Variants in LARGE1 observed in about 807,000 individuals in gnomAD.
LARGE1 encodes the protein xylosyl- and glucuronyltransferase LARGE1.
Under a neutral mutation model 87.6 loss-of-function variants are expected in LARGE1, and 43 were observed. The ratio of observed to expected loss-of-function variants is 0.49; its 90% confidence interval spans 0.38 to 0.63. The LOEUF (loss-of-function observed/expected upper bound fraction) is 0.63. LARGE1 is among the 30% of genes least tolerant of loss of function. LARGE1 has a pLI of 0.00. For missense variants in LARGE1, 802 were observed against 1,000.2 expected (o/e 0.80, Z 2.67); for synonymous variants, 434 against 394.6 (o/e 1.10, Z -1.18).
rs551075030 is a variant in LARGE1, at chr22:33,673,031, T to G, written c.107-22363A>C. 2.4e-4 allele frequency among the ~76,000 whole-genome samples: 37 copies of G among 152,186 alleles called. No homozygotes were observed. The East Asian group carries it at 6.4e-3, about 26-fold the overall frequency. ...GGCTCACACTTGTAATCCCAGCACT[T>G]TGGGAGGCTGAGGCAGGCAGATCAC... On this transcript the variant is annotated intron_variant, in intron 2 of 14. Coordinates refer to ENST00000397394, the MANE Select transcript of LARGE1 (RefSeq NM_133642.5).
At chr22:33,255,030 C>T (rs1262946494) in intron 11 of LARGE1, among the ~76,000 whole-genome samples, 1 of 151,760 alleles carries the variant, frequency 6.6e-6, no homozygotes, top group Admixed American at 6.6e-5. Context: ...CTCCGCCCCC[C>T]AGGTTCAAGC....
chr22:33,244,745 A>T (rs1314349180), intron 11 of LARGE1, among the ~76,000 whole-genome samples: 1 of 152,190 alleles, frequency 6.6e-6, no homozygotes, highest in African/African-American at 2.4e-5. Context: ...AATCTGATCC[A>T]TTCATGAAAT....
At chr22:33,659,601 G>A (rs866689931) in intron 2 of LARGE1, among the ~76,000 whole-genome samples, 2 of 152,044 alleles carry the variant, frequency 1.3e-5, no homozygotes, top group Non-Finnish European at 2.9e-5. Flanking sequence ...AAGGCTGCTC[G>A]CTTTTTATGA....
chr22:33,312,837 C>G (rs1017284397), intron 11 of LARGE1, among the ~76,000 whole-genome samples: 1 of 152,124 alleles, frequency 6.6e-6, no homozygotes, highest in South Asian at 2.1e-4. Context: ...ATTCCATTTT[C>G]TTTTTACTAT....
At chr22:33,145,603 G>A in the LARGE1 span, among the ~76,000 whole-genome samples, 19 of 152,072 alleles carry the variant, frequency 1.2e-4, no homozygotes, top group South Asian at 2.1e-4. Context: ...TGGACAAAGC[G>A]GAGTCTGAAA....
downstream of LARGE1, among the ~76,000 whole-genome samples, chr22:33,159,580 T>TA (rs201781456): frequency 5.5e-3 from 823 of 148,450 alleles, 7 homozygotes; most frequent in African/African-American, 0.014. Context: ...TAAATCAATT[T>TA]AAATTTTTTT....
intron 4 of LARGE1, among the ~76,000 whole-genome samples, chr22:33,622,930 A>G (rs538035103): frequency 3.7e-4 from 57 of 152,346 alleles, no homozygotes; most frequent in African/African-American, 1.3e-3. Context: ...TTTGTGCTGC[A>G]CAGTTACTGT....
intron 9 of LARGE1, among the ~76,000 whole-genome samples, chr22:33,381,358 G>C (rs1403792973): frequency 4.6e-5 from 7 of 152,134 alleles, no homozygotes; most frequent in Non-Finnish European, 2.9e-5. Context: ...TTCATTCACA[G>C]TGTTTGGTAC....
At chr22:33,439,840 T>C (rs988338459) in intron 6 of LARGE1, among the ~76,000 whole-genome samples, 9 of 152,212 alleles carry the variant, frequency 5.9e-5, no homozygotes, top group African/African-American at 2.2e-4. Flanking sequence ...TCTTGGTTGG[T>C]AGCATGAAGA....
intron 6 of LARGE1, among the ~76,000 whole-genome samples, chr22:33,442,078 G>A (rs536813945): frequency 6.6e-6 from 1 of 152,312 alleles, no homozygotes; most frequent in Admixed American, 6.5e-5. Flanking sequence ...CTTGAAAGAA[G>A]AGTTAGGCTG....
Position 33,310,549 on chromosome 22 carries a change from G to A in LARGE1, c.1451+5536C>T, listed in dbSNP as rs529866694. On this transcript the variant is annotated intron_variant, in intron 11 of 14. Transcript: ENST00000397394. ...CGGAATTCCAGAGGGAGCTGCGTAC[G>A]GGAGTGCGAAGGCCGGCTCTCCTAA... Among the ~76,000 whole-genome samples the A allele has an allele frequency of 3.8e-4, 58 of 152,266 alleles. No individual in the cohort carries two copies. The East Asian group carries it at 9.5e-3, about 25-fold the overall frequency.
chr22:33,077,235 G>A, the LARGE1 span, among the ~76,000 whole-genome samples: 5 of 152,068 alleles, frequency 3.3e-5, no homozygotes, highest in Non-Finnish European at 1.5e-5. Flanking sequence ...TGCTTATTAT[G>A]TACCAGGCAT....
intron 11 of LARGE1, among the ~76,000 whole-genome samples, chr22:33,205,772 A>G (rs1203153982): frequency 3.6e-4 from 54 of 151,902 alleles, no homozygotes. Context: ...ATCTGATCAT[A>G]TTGTGTGACT....
intron 12 of LARGE1, among the ~76,000 whole-genome samples, chr22:33,291,113 G>A (rs1238748074): frequency 6.6e-6 from 1 of 152,080 alleles, no homozygotes; most frequent in South Asian, 2.1e-4. Flanking sequence ...AGGCTGGATT[G>A]CTAATCAGGA....
intron 1 of LARGE1, among the ~76,000 whole-genome samples, chr22:33,782,369 T>G (rs1346683091): frequency 6.6e-6 from 1 of 151,430 alleles, no homozygotes; most frequent in Non-Finnish European, 1.5e-5. Context: ...GCATATGGGG[T>G]TTCTTTTGGG....
rs187819394 is a variant in LARGE1, at chr22:33,643,512, A to C, written c.408+6855T>G. ...GCAAACAAATTCAAAACCTAGCAGA[A>C]GACAAGAAATAACTAAGATCAGAGC... On this transcript the variant is annotated intron_variant, in intron 3 of 14. Transcript: ENST00000397394. Among the ~76,000 whole-genome samples, 418 of 152,330 alleles carry C rather than the reference A, an allele frequency of 2.7e-3. 2 individuals carry two copies. Among genetic ancestry groups the C allele is most frequent in the African/African-American group, 9.7e-3 (403 of 41,570 alleles).
intron 9 of LARGE1, among the ~76,000 whole-genome samples, chr22:33,355,636 A>G (rs913207872): frequency 8.2e-6 from 1 of 122,264 alleles, no homozygotes; most frequent in African/African-American, 2.5e-5. Flanking sequence ...GAATCTCAAA[A>G]GTAGATCTTC....
intron 2 of LARGE1, among the ~76,000 whole-genome samples, chr22:33,656,762 T>G (rs1006551030): frequency 6.6e-6 from 1 of 152,188 alleles, no homozygotes; most frequent in African/African-American, 2.4e-5. Flanking sequence ...CAAGACATTA[T>G]TCAAAAACTA....
chr22:33,715,459 A>C (rs1285070415), intron 2 of LARGE1, among the ~76,000 whole-genome samples: 4 of 152,138 alleles, frequency 2.6e-5, no homozygotes, highest in East Asian at 1.9e-4. Flanking sequence ...TGGTCTTCCT[A>C]GCTGGCTGCA....
Sources: gnomAD v4.1 joint callset for allele counts (sites outside exome capture counted in the v4.1 genomes callset) on GRCh38, gnomAD v4.1.1 for gene constraint, MANE v1.5 for transcripts, NCBI Gene and HGNC (gene_info 2026-07-23, HGNC 2026-07-21) for gene names.